UTRN: variants seen among roughly 807,000 people sequenced by gnomAD.
UTRN encodes dystrophin-related protein 1.
A neutral mutation model predicts 463.9 loss-of-function variants in UTRN; 283 were observed. That is an observed-to-expected ratio of 0.61 (90% confidence interval 0.55 to 0.67). UTRN has a LOEUF of 0.67. UTRN is among the 30% of genes least tolerant of loss of function. The probability of loss-of-function intolerance (pLI) is 0.00; values close to 1 mark genes in which losing one functional copy is unlikely to be tolerated. For synonymous variants in UTRN, 1,442 were observed against 1,431.5 expected (o/e 1.01, Z -0.17); for missense variants, 3,922 against 4,084.3 (o/e 0.96, Z 1.08).
At chr6:144,639,513 G>T (rs141961558) in intron 51 of UTRN, among the ~76,000 whole-genome samples, 1 of 152,046 alleles carries the variant, frequency 6.6e-6, no homozygotes, top group South Asian at 2.1e-4. Flanking sequence ...ATACAAGTTC[G>T]TGATTCAACA....
At chr6:144,335,043 C>T (rs894389126) in intron 2 of UTRN, among the ~76,000 whole-genome samples, 9 of 152,218 alleles carry the variant, frequency 5.9e-5, no homozygotes, top group African/African-American at 1.9e-4. Context: ...AGTTCCAGTA[C>T]TATAGTTCAT....
chr6:144,527,883 T>C (rs1195053989), intron 41 of UTRN, among the ~76,000 whole-genome samples: 4 of 152,172 alleles, frequency 2.6e-5, no homozygotes, highest in Non-Finnish European at 5.9e-5. Context: ...TTCCTTCATA[T>C]GCTGTGTCAT....
chr6:144,655,342 A>G (rs1779217813), intron 51 of UTRN, among the ~76,000 whole-genome samples: 1 of 152,264 alleles, frequency 6.6e-6, no homozygotes, highest in Admixed American at 6.5e-5. Context: ...GGTAGAAGAC[A>G]ATGAATTGAA....
chr6:144,570,602 G>C (rs1285226806), intron 50 of UTRN, among the ~76,000 whole-genome samples: 1 of 152,188 alleles, frequency 6.6e-6, no homozygotes, highest in Admixed American at 6.5e-5. Context: ...TTCATACAAA[G>C]TGAATATTTT....
At chr6:144,545,126 T>C (rs1798287845) in intron 46 of UTRN, among the ~76,000 whole-genome samples, 1 of 152,196 alleles carries the variant, frequency 6.6e-6, no homozygotes, top group South Asian at 2.1e-4. Context: ...TAATATTCAA[T>C]CCATCAGCAA....
intron 51 of UTRN, among the ~76,000 whole-genome samples, chr6:144,670,864 T>C (rs1297449502): frequency 6.6e-6 from 1 of 152,192 alleles, no homozygotes; most frequent in Admixed American, 6.5e-5. Flanking sequence ...GGCTTACCAA[T>C]TATCCCAGCA....
intron 52 of UTRN, among the ~76,000 whole-genome samples, chr6:144,695,131 G>C (rs1445097616): frequency 1.3e-5 from 2 of 151,904 alleles, no homozygotes; most frequent in Non-Finnish European, 2.9e-5. Context: ...GGGAACATTT[G>C]CTCTAATTTA....
chr6:144,427,541 T>C (rs1181239437), intron 7 of UTRN, among the ~76,000 whole-genome samples: 3 of 152,200 alleles, frequency 2.0e-5, no homozygotes, highest in African/African-American at 7.2e-5. Context: ...TATTGTGCCT[T>C]GTCCTTCAAT....
At chr6:144,343,411 A>ACACACAC (rs1562270899) in intron 2 of UTRN, among the ~76,000 whole-genome samples, 6 of 126,114 alleles carry the variant, frequency 4.8e-5, no homozygotes, top group African/African-American at 2.1e-4. Context: ...CACACACACA[A>ACACACAC]TAGCCGGGCA....
chr6:144,585,537 G>A (rs138696063), intron 51 of UTRN, among the ~76,000 whole-genome samples: 177 of 152,164 alleles, frequency 1.2e-3, no homozygotes, highest in African/African-American at 4.1e-3. Flanking sequence ...TATTTGTGTG[G>A]TTATATTTTG....
chr6:144,475,227 T>C (rs1449782345), intron 25 of UTRN, among the ~76,000 whole-genome samples: 1 of 152,172 alleles, frequency 6.6e-6, no homozygotes, highest in African/African-American at 2.4e-5. Flanking sequence ...GGTGGGTTAT[T>C]TCAAATAGGA....
At chr6:144,458,008 T>C (rs1458159678) in intron 19 of UTRN, among the ~76,000 whole-genome samples, 1 of 152,240 alleles carries the variant, frequency 6.6e-6, no homozygotes, top group Non-Finnish European at 1.5e-5. Context: ...GGAAGGACTA[T>C]GATAAAACCT....
intron 19 of UTRN, among the ~76,000 whole-genome samples, chr6:144,455,007 C>A (rs1418088216): frequency 6.6e-6 from 1 of 152,034 alleles, no homozygotes. Flanking sequence ...ATTATTTTGC[C>A]TCCAGCCTTT....
rs560581181 is a variant in UTRN at position 144,347,837 on chromosome 6, G to GTTTTTTTTTTTT, written c.80-55285_80-55274dup. Among the ~76,000 whole-genome samples the GTTTTTTTTTTTT allele has an allele frequency of 1.9e-3, 250 of 128,884 alleles. 26 individuals are homozygous for GTTTTTTTTTTTT. Among genetic ancestry groups the GTTTTTTTTTTTT allele is most frequent in the African/African-American group, 7.9e-3 (234 of 29,456 alleles). 84.6% of individuals were successfully genotyped at this position (128,884 alleles called of 152,430 possible). Reference sequence around the variant, plus strand: ...TCTCCTGAACTGTGGCTTATTCTTTGTTTTTTTTTTTTGTTTTTTTTTTTG... The same window carrying GTTTTTTTTTTTT: ...TCTCCTGAACTGTGGCTTATTCTTTGTTTTTTTTTTTTTTTTTTTTTTTTGTTTTTTTTTTTG... On this transcript the variant is annotated intron_variant, in intron 2 of 74. Coordinates refer to ENST00000367545, the MANE Select transcript of UTRN (RefSeq NM_007124.3).
chr6:144,433,750 T>C (rs1304144898), intron 9 of UTRN, among the ~76,000 whole-genome samples: 1 of 142,538 alleles, frequency 7.0e-6, no homozygotes, highest in African/African-American at 2.7e-5. Context: ...AGATGGGCAG[T>C]CGGGCAGAGA....
intron 39 of UTRN, among the ~76,000 whole-genome samples, chr6:144,519,193 TTA>T (rs899333256): frequency 1.3e-5 from 2 of 152,206 alleles, no homozygotes; most frequent in African/African-American, 4.8e-5. Context: ...CTATAAAATA[TTA>T]TCTTATTGAT....
At chr6:144,824,722 G>T (rs1312238647) in intron 66 of UTRN, among the ~76,000 whole-genome samples, 1 of 137,434 alleles carries the variant, frequency 7.3e-6, no homozygotes, top group African/African-American at 2.8e-5. Context: ...CGACCTCCCA[G>T]GCTCAAGTGT....
At chr6:144,633,972 G>C (rs1012416578) in intron 51 of UTRN, among the ~76,000 whole-genome samples, 4 of 152,228 alleles carry the variant, frequency 2.6e-5, no homozygotes, top group Non-Finnish European at 4.4e-5. Context: ...TAGGCATTCT[G>C]CCTGCTTTTA....
At chr6:144,550,872 C>A in intron 47 of UTRN, 93 bp from the exon 48 acceptor site, 1 of 1,128,622 alleles carries the variant, frequency 8.9e-7, no homozygotes, top group Non-Finnish European at 1.2e-6. Flanking sequence ...AGGAGGAAAA[C>A]AACGACAACT....
Sources: allele counts gnomAD v4.1 joint callset (sites outside exome capture counted in the v4.1 genomes callset), GRCh38; gene constraint gnomAD v4.1.1; transcripts MANE v1.5; gene names NCBI Gene and HGNC (gene_info 2026-07-23, HGNC 2026-07-21).